CCNI: variants seen among roughly 807,000 people sequenced by gnomAD.
CCNI encodes cyclin I, also known as cyclin-I.
In CCNI, 14 loss-of-function variants were observed where a neutral mutation model predicts 34.1. The observed-to-expected ratio is 0.41, with a 90% CI of 0.27 to 0.64. The LOEUF (loss-of-function observed/expected upper bound fraction) is 0.64, where lower values mean the gene tolerates loss of function less well. CCNI is among the 30% of genes least tolerant of loss of function. CCNI has a pLI of 0.31. For synonymous variants in CCNI, 154 were observed against 158.4 expected, an observed-to-expected ratio of 0.97 and a Z score of 0.21; for missense variants, 385 against 440.5, an observed-to-expected ratio of 0.87 and a Z score of 1.13.
intron 6 of CCNI, among the ~76,000 whole-genome samples, chr4:77,053,422 T>C (rs1035066015): frequency 1.3e-5 from 2 of 152,030 alleles, no homozygotes; most frequent in African/African-American, 4.8e-5. Flanking sequence ...AATCCCAGGT[T>C]TGCAATACTC....
chr4:77,075,735 G>C lies in CCNI; in HGVS notation c.-307C>G, dbSNP rs1320916234. 1 of 208,470 alleles carries C rather than the reference G, an allele frequency of 4.8e-6. No homozygotes were observed. Among genetic ancestry groups the C allele is most frequent in the African/African-American group, 2.4e-5 (1 of 42,460 alleles). 12.9% of individuals were successfully genotyped at this position (208,470 alleles called of 1,614,324 possible). Reference sequence around the variant, plus strand: ...TTAGTTCCATGATGACCCCCGGCCTGAGGCCGCCGCCGCTCGAGCCCGGGT... The same window carrying C: ...TTAGTTCCATGATGACCCCCGGCCTCAGGCCGCCGCCGCTCGAGCCCGGGT... On this transcript the variant is annotated 5_prime_UTR_variant, in exon 1 of 7. It introduces an in-frame stop codon into an upstream open reading frame of the 5' UTR. Coordinates refer to ENST00000237654, the MANE Select transcript of CCNI (RefSeq NM_006835.3).
At chr4:77,056,586 CT>C (rs35437385) in intron 3 of CCNI, 49,962 of 160,186 alleles carry the variant, frequency 0.31, 5,924 homozygotes, top group East Asian at 0.38. Context: ...CTAGAGCTAA[CT>C]TTTTTTTTTT....
At chr4:77,074,368 TA>T (rs1729735012) in intron 1 of CCNI, among the ~76,000 whole-genome samples, 1 of 152,204 alleles carries the variant, frequency 6.6e-6, no homozygotes, top group South Asian at 2.1e-4. Context: ...TTCCGTCCAT[TA>T]TTTCTTAATC....
Position 77,073,850 on chromosome 4 carries a change from T to C in CCNI, c.-44+1622A>G, listed in dbSNP as rs545849351. ...ATTCTTTGATGTTAATCTCCAGAGT[T>C]GAGCATATGCCTAATAGCTTCACTT... is the stretch of plus-strand genomic sequence containing the variant. On this transcript the variant is annotated intron_variant, in intron 1 of 6. Coordinates refer to ENST00000237654, the MANE Select transcript of CCNI (RefSeq NM_006835.3). 4.4e-4 allele frequency among the ~76,000 whole-genome samples: 67 copies of C among 152,362 alleles called. 1 individual carries two copies. In the South Asian group the frequency reaches 6.0e-3, roughly 14 times the overall value.
At chr4:77,074,774 T>A (rs1287244210) in intron 1 of CCNI, 1 of 152,126 alleles carries the variant, frequency 6.6e-6, no homozygotes, top group Non-Finnish European at 1.5e-5. Context: ...CCCTTCAGAG[T>A]CTGAATCCAT....
intron 6 of CCNI, among the ~76,000 whole-genome samples, chr4:77,051,290 G>C (rs1242021242): frequency 6.6e-6 from 1 of 152,172 alleles, no homozygotes; most frequent in Non-Finnish European, 1.5e-5. Flanking sequence ...ATATTTATTG[G>C]CCTAAAAAGG....
At chr4:77,064,194 G>C (rs1728841593) in intron 2 of CCNI, among the ~76,000 whole-genome samples, 3 of 150,860 alleles carry the variant, frequency 2.0e-5, no homozygotes, top group Admixed American at 2.0e-4. Flanking sequence ...AGTGAGCCGA[G>C]ATCATGCCAT....
At chr4:77,059,597 T>C (rs1728466531) in intron 2 of CCNI, among the ~76,000 whole-genome samples, 1 of 152,098 alleles carries the variant, frequency 6.6e-6, no homozygotes, top group African/African-American at 2.4e-5. Context: ...CTGGTAACTT[T>C]CACTTATTAA....
chr4:77,058,764 AATCT>A (rs1728407998), intron 2 of CCNI, 129 bp from the exon 3 acceptor site: 2 of 715,346 alleles, frequency 2.8e-6, no homozygotes, highest in African/African-American at 1.9e-5. Flanking sequence ...GGTTATTCAA[AATCT>A]ATCAGACTTG....
chr4:77,071,705 A>C (rs1316520883), intron 1 of CCNI, among the ~76,000 whole-genome samples: 2 of 152,210 alleles, frequency 1.3e-5, no homozygotes, highest in Admixed American at 6.5e-5. Context: ...ATTATAAAGG[A>C]ATTTATGAAC....
At chr4:77,063,028 G>A (rs1439257133) in intron 2 of CCNI, among the ~76,000 whole-genome samples, 5 of 152,172 alleles carry the variant, frequency 3.3e-5, no homozygotes, top group Admixed American at 2.0e-4. Context: ...GAAACTCACA[G>A]TCAAATCACC....
chr4:77,059,646 ATCATAGT>A (rs919180740), intron 2 of CCNI, among the ~76,000 whole-genome samples: 3 of 151,996 alleles, frequency 2.0e-5, no homozygotes, highest in African/African-American at 7.2e-5. Flanking sequence ...TCATTCTGTT[ATCATAGT>A]TCATTTGTAT....
At chr4:77,050,934 T>C (rs908083590) in intron 6 of CCNI, among the ~76,000 whole-genome samples, 2 of 152,094 alleles carry the variant, frequency 1.3e-5, no homozygotes, top group South Asian at 2.1e-4. Context: ...ACAGTATCCA[T>C]GGGGGATTAG....
intron 3 of CCNI, 104 bp downstream of exon 3, chr4:77,058,403 G>A: frequency 1.2e-6 from 1 of 805,882 alleles, no homozygotes; most frequent in African/African-American, 1.8e-5. Context: ...CTCCAGCAAA[G>A]TTCTCCACTT....
At chr4:77,069,377 C>T (rs1729286969) in intron 1 of CCNI, among the ~76,000 whole-genome samples, 4 of 151,972 alleles carry the variant, frequency 2.6e-5, no homozygotes, top group Admixed American at 2.0e-4. Flanking sequence ...AGAATGAGAC[C>T]GTGTCTCCAA....
chr4:77,063,651 G>A (rs4252839), intron 2 of CCNI, among the ~76,000 whole-genome samples: 1 of 150,246 alleles, frequency 6.7e-6, no homozygotes, highest in Non-Finnish European at 1.5e-5. Flanking sequence ...GATCGCGCCA[G>A]TGCACTCCAG....
At chr4:77,065,434 A>G (rs930393870) in intron 2 of CCNI, among the ~76,000 whole-genome samples, 8 of 152,252 alleles carry the variant, frequency 5.3e-5, no homozygotes, top group African/African-American at 1.9e-4. Flanking sequence ...ATTATATATG[A>G]CAGAAGTATA....
At chr4:77,062,028 G>C (rs1016450885) in intron 2 of CCNI, among the ~76,000 whole-genome samples, 1 of 152,082 alleles carries the variant, frequency 6.6e-6, no homozygotes, top group Non-Finnish European at 1.5e-5. Context: ...ACTTCATGCT[G>C]TAATAGTAAC....
At position 77,066,416 on chromosome 4, in the gene CCNI, A is replaced by G. The variant is rs1168601648; in HGVS notation, c.-43-11T>C. On this transcript the variant is annotated splice_polypyrimidine_tract_variant and intron_variant, in intron 1 of 6. Coordinates refer to ENST00000237654, the MANE Select transcript of CCNI (RefSeq NM_006835.3). The stretch of plus-strand genomic sequence containing the variant: ...GCTTGCTGTAGCTACCTACAGAATC[A>G]AGTAAGTTTTAAAATTAGTTATAGA... 2 of 1,600,238 alleles carry G rather than the reference A, an allele frequency of 1.2e-6. No individual in the cohort carries two copies. The highest frequency in any genetic ancestry group is 1.8e-5 in the Admixed American group (1 of 56,356).
Sources: allele counts gnomAD v4.1 joint callset (sites outside exome capture counted in the v4.1 genomes callset), GRCh38; gene constraint gnomAD v4.1.1; transcripts MANE v1.5; gene names NCBI Gene and HGNC (gene_info 2026-07-23, HGNC 2026-07-21).